LDAF1: variants seen among roughly 807,000 people sequenced by gnomAD.
LDAF1 encodes PROMETHIN.
In LDAF1, 7 loss-of-function variants were observed where a neutral mutation model predicts 13.5. That is an observed-to-expected ratio of 0.52 (90% CI 0.29 to 0.97). The LOEUF (loss-of-function observed/expected upper bound fraction) is 0.97, where lower values mean the gene tolerates loss of function less well. Ranked by LOEUF, LDAF1 falls within the 50% of genes least tolerant of loss-of-function variation. LDAF1 has a pLI of 0.07. For missense variants in LDAF1, 148 were observed against 193.2 expected (o/e 0.77, Z 1.39); for synonymous variants, 69 against 77.1 (o/e 0.89, Z 0.55).
At position 21,179,756 on chromosome 16, in the gene LDAF1, A is replaced by C; in HGVS notation, c.*200A>C. On this transcript the variant is annotated 3_prime_UTR_variant, in exon 5 of 5. Coordinates refer to ENST00000233047, the MANE Select transcript of LDAF1 (RefSeq NM_001301771.2). ...TGTGTTGGTTCCCATGTAAAGAAGC[A>C]GCAGAGAAATGCGATGGTTCAACAG... The C allele has an allele frequency of 3.7e-6, 2 of 546,454 alleles. No individual in the cohort carries two copies. Among genetic ancestry groups the C allele is most frequent in the Non-Finnish European group, 6.5e-6 (2 of 306,864 alleles). 33.9% of individuals were successfully genotyped at this position (546,454 alleles called of 1,614,324 possible).
chr16:21,179,077 C>G, intron 4 of LDAF1: 1 of 208,556 alleles, frequency 4.8e-6, no homozygotes, highest in South Asian at 6.9e-5. Flanking sequence ...AAGATATGGT[C>G]TGAATCCCCG....
At chr16:21,168,699 TTA>T (rs568433969) in intron 2 of LDAF1, among the ~76,000 whole-genome samples, 3,053 of 131,512 alleles carry the variant, frequency 0.023, 148 homozygotes, top group African/African-American at 0.089. Context: ...AATTATATTT[TTA>T]TATATAATTA....
intron 1 of LDAF1, chr16:21,160,882 T>G (rs997070138): frequency 1.4e-5 from 6 of 433,888 alleles, no homozygotes; most frequent in South Asian, 5.9e-5. Flanking sequence ...TTTAGTACAT[T>G]TTGAGATACC....
chr16:21,162,169 T>A lies in LDAF1; in HGVS notation c.96+891T>A, dbSNP rs536800443. Among the ~76,000 whole-genome samples the A allele has an allele frequency of 2.6e-4, 40 of 152,052 alleles. 1 individual carries two copies. The South Asian group carries it at 3.7e-3, about 14-fold the overall frequency. ...AGATTCCGTCTCCAAAAAAAAAAAA[T>A]TATTTTTAATAATGTTTTTATTCAA... On this transcript the variant is annotated intron_variant, in intron 2 of 4. Coordinates refer to ENST00000233047, the MANE Select transcript of LDAF1 (RefSeq NM_001301771.2).
intron 2 of LDAF1, chr16:21,166,739 A>C: frequency 1.1e-6 from 1 of 927,488 alleles, no homozygotes; most frequent in Non-Finnish European, 1.7e-6. Flanking sequence ...ATGCATGTGG[A>C]TTCGAACTGG....
At chr16:21,172,950 C>A in intron 3 of LDAF1, 1 of 446,640 alleles carries the variant, frequency 2.2e-6, no homozygotes, top group Non-Finnish European at 3.0e-6. Flanking sequence ...GGATGTCAGC[C>A]ATACAATACT....
intron 3 of LDAF1, among the ~76,000 whole-genome samples, chr16:21,172,402 C>T (rs2093097866): frequency 6.6e-6 from 1 of 151,814 alleles, no homozygotes; most frequent in Non-Finnish European, 1.5e-5. Flanking sequence ...GCCAAGATTG[C>T]ACCATTGCAT....
intron 4 of LDAF1, chr16:21,178,671 T>A (rs1197231542): frequency 6.6e-6 from 1 of 152,288 alleles, no homozygotes; most frequent in East Asian, 1.9e-4. Context: ...GAGAAAAAAA[T>A]GGAGTCTGAC....
chr16:21,178,320 C>T (rs974205258), intron 4 of LDAF1: 1 of 985,222 alleles, frequency 1.0e-6, no homozygotes, highest in Non-Finnish European at 1.2e-6. Context: ...ATATCATAAT[C>T]TTCCAAACCA....
intron 2 of LDAF1, among the ~76,000 whole-genome samples, chr16:21,168,308 C>G (rs2093045791): frequency 6.6e-6 from 1 of 151,952 alleles, no homozygotes; most frequent in Admixed American, 6.6e-5. Flanking sequence ...AGCCACCATG[C>G]TGGCCAGGCC....
chr16:21,179,660 G>A lies in LDAF1; in HGVS notation c.*104G>A. 1 of 964,088 alleles carries A rather than the reference G, an allele frequency of 1.0e-6. No individual in the cohort carries two copies. Among genetic ancestry groups the A allele is most frequent in the Non-Finnish European group, 1.6e-6 (1 of 643,334 alleles). The allele number at this position is 964,088 out of a possible 1,614,324, so 59.7% of individuals were successfully genotyped here. A position where few individuals can be genotyped will look rare whatever the true frequency, so the allele number is the denominator to read the frequency against. Reference sequence around the variant, plus strand: ...GGGGCTGGGTAGGCAAGCACTCCTTGGCTGTGTCCTCTCGCTTTTTCACTT... The same window carrying A: ...GGGGCTGGGTAGGCAAGCACTCCTTAGCTGTGTCCTCTCGCTTTTTCACTT... On this transcript the variant is annotated 3_prime_UTR_variant, in exon 5 of 5. Coordinates refer to ENST00000233047, the MANE Select transcript of LDAF1 (RefSeq NM_001301771.2).
chr16:21,167,931 G>T (rs1279779173), intron 2 of LDAF1, among the ~76,000 whole-genome samples: 1 of 148,918 alleles, frequency 6.7e-6, no homozygotes, highest in Non-Finnish European at 1.5e-5. Flanking sequence ...GCTTGAACCC[G>T]GGAGGCGGAG....
At chr16:21,166,354 C>G (rs560245816) in intron 2 of LDAF1, among the ~76,000 whole-genome samples, 4 of 152,094 alleles carry the variant, frequency 2.6e-5, no homozygotes, top group African/African-American at 4.8e-5. Flanking sequence ...ATAAAACTTA[C>G]AATTCAGCGA....
At chr16:21,175,521 T>A (rs2152849985) in intron 4 of LDAF1, among the ~76,000 whole-genome samples, 1 of 152,306 alleles carries the variant, frequency 6.6e-6, no homozygotes, top group Non-Finnish European at 1.5e-5. Flanking sequence ...GGCCAGATAG[T>A]AAGTATTTAG....
intron 2 of LDAF1, among the ~76,000 whole-genome samples, chr16:21,164,496 C>T (rs2093006275): frequency 6.6e-6 from 1 of 152,200 alleles, no homozygotes; most frequent in Non-Finnish European, 1.5e-5. Flanking sequence ...AGCAGTCCTC[C>T]TGCCTTGGCC....
At chr16:21,165,668 A>G (rs1222975549) in intron 2 of LDAF1, 1 of 892,922 alleles carries the variant, frequency 1.1e-6, no homozygotes, top group Non-Finnish European at 1.3e-6. Flanking sequence ...TGCTAGGTTC[A>G]TATTTCTTAA....
intron 2 of LDAF1, among the ~76,000 whole-genome samples, chr16:21,164,477 T>C (rs936773753): frequency 1.3e-5 from 2 of 152,102 alleles, no homozygotes; most frequent in South Asian, 2.1e-4. Flanking sequence ...TCTCAAACTC[T>C]TGGCCTCAAG....
rs1033501413 is a variant in LDAF1 at position 21,165,619 on chromosome 16, A to G, written c.96+4341A>G. On this transcript the variant is annotated intron_variant, in intron 2 of 4. Coordinates refer to ENST00000233047, the MANE Select transcript of LDAF1 (RefSeq NM_001301771.2). ...ACTTGACCACAGTATATCTTGCCTG[A>G]TTTCCTGCAAATCTTTCTACCTGCC... The G allele has an allele frequency of 1.5e-5, 15 of 981,658 alleles. No homozygotes were observed. The African/African-American group carries it at 2.1e-4, about 14-fold the overall frequency. 60.8% of individuals were successfully genotyped at this position (981,658 alleles called of 1,614,324 possible). A position where few individuals can be genotyped will look rare whatever the true frequency, so the allele number is the denominator to read the frequency against.
chr16:21,174,977 C>T (rs1053324943), intron 4 of LDAF1, among the ~76,000 whole-genome samples: 10 of 152,166 alleles, frequency 6.6e-5, no homozygotes, highest in African/African-American at 2.4e-4. Context: ...CAATATGGCT[C>T]TTCAATGCCA....
Sources: allele counts gnomAD v4.1 joint callset (sites outside exome capture counted in the v4.1 genomes callset), GRCh38; gene constraint gnomAD v4.1.1; transcripts MANE v1.5; gene names NCBI Gene and HGNC (gene_info 2026-07-23, HGNC 2026-07-21).